The following UST variants were observed in gnomAD, a reference collection of about 807,000 sequenced individuals.
UST encodes uronyl 2-sulfotransferase.
Under a neutral mutation model 45.6 loss-of-function variants are expected in UST, and 21 were observed. The observed-to-expected ratio is 0.46, with a 90% confidence interval of 0.33 to 0.66. The LOEUF is 0.66. UST is among the 30% of genes least tolerant of loss of function. UST has a pLI of 0.02. For synonymous variants in UST, 215 were observed against 200.6 expected (o/e 1.07, Z -0.61); for missense variants, 463 against 512.4 (o/e 0.90, Z 0.93).
chr6:148,882,712 G>A (rs911165578), intron 1 of UST, among the ~76,000 whole-genome samples: 1 of 152,056 alleles, frequency 6.6e-6, no homozygotes, highest in African/African-American at 2.4e-5. Flanking sequence ...TTTGAATTCC[G>A]CTGTTTGTTT....
intron 2 of UST, among the ~76,000 whole-genome samples, chr6:148,900,813 T>C (rs1217095425): frequency 6.6e-6 from 1 of 152,200 alleles, no homozygotes; most frequent in Non-Finnish European, 1.5e-5. Context: ...GGGCTCAAAT[T>C]GAAGAGTCAG....
intron 1 of UST, among the ~76,000 whole-genome samples, chr6:148,775,732 A>G (rs1023216550): frequency 6.6e-6 from 1 of 151,968 alleles, no homozygotes; most frequent in African/African-American, 2.4e-5. Context: ...GATTCAAGCA[A>G]TTCTCCTGCC....
At chr6:148,772,589 ATAT>A (rs1214739121) in intron 1 of UST, among the ~76,000 whole-genome samples, 1 of 152,030 alleles carries the variant, frequency 6.6e-6, no homozygotes, top group Non-Finnish European at 1.5e-5. Flanking sequence ...TGCCCGGCTA[ATAT>A]TTGGCATTTT....
chr6:148,810,497 A>G (rs1777235912), intron 1 of UST, among the ~76,000 whole-genome samples: 2 of 152,232 alleles, frequency 1.3e-5, no homozygotes, highest in African/African-American at 4.8e-5. Context: ...AGTTTGGTAC[A>G]TAGTTGCCAT....
chr6:148,783,917 ACAAGATTC>A (rs1776689479), intron 1 of UST, among the ~76,000 whole-genome samples: 2 of 152,198 alleles, frequency 1.3e-5, no homozygotes, highest in Admixed American at 1.3e-4. Flanking sequence ...ATGATGAGCT[ACAAGATTC>A]AATGATATCT....
intron 1 of UST, among the ~76,000 whole-genome samples, chr6:148,795,989 G>A (rs555666888): frequency 1.3e-3 from 196 of 152,262 alleles, no homozygotes; most frequent in African/African-American, 3.9e-3. Context: ...TCTTGTTTAG[G>A]CCTAAAGTAA....
chr6:148,803,229 T>C (rs2114719914), intron 1 of UST, among the ~76,000 whole-genome samples: 1 of 152,198 alleles, frequency 6.6e-6, no homozygotes, highest in South Asian at 2.1e-4. Context: ...CTCCTTCCCC[T>C]CTCTCTCAAT....
At chr6:148,925,638 G>A (rs1436712032) in intron 2 of UST, among the ~76,000 whole-genome samples, 3 of 152,298 alleles carry the variant, frequency 2.0e-5, no homozygotes, top group Admixed American at 1.3e-4. Context: ...AAGGAATTGT[G>A]TATAAATTCC....
intron 1 of UST, among the ~76,000 whole-genome samples, chr6:148,803,820 C>T (rs1204449834): frequency 3.9e-5 from 6 of 152,210 alleles, no homozygotes; most frequent in Non-Finnish European, 5.9e-5. Context: ...TCCCCTGCTA[C>T]GTCCTGCTGC....
chr6:148,790,226 CT>C lies in UST; in HGVS notation c.247+42551del, dbSNP rs1776817480. Among the ~76,000 whole-genome samples, 1 of 152,162 alleles carries C rather than the reference CT, an allele frequency of 6.6e-6. No individual in the cohort carries two copies. Among genetic ancestry groups the C allele is most frequent in the Non-Finnish European group, 1.5e-5 (1 of 68,038 alleles). ...TGGATTGAGTGGTTACCTTGGATCC[CT>C]TCATGCCCGTGCTAATCTCACTCCG... On this transcript the variant is annotated intron_variant, in intron 1 of 7. Coordinates refer to ENST00000367463, the MANE Select transcript of UST (RefSeq NM_005715.3). This position sits in a 1 kb window ranked among gnomAD's most constrained non-coding sequence, Gnocchi z 4.2.
At chr6:148,881,484 G>A (rs1204037568) in intron 1 of UST, among the ~76,000 whole-genome samples, 2 of 152,174 alleles carry the variant, frequency 1.3e-5, no homozygotes, top group East Asian at 1.9e-4. Context: ...AAATAAGAAT[G>A]TCCTGCCTGG....
intron 1 of UST, among the ~76,000 whole-genome samples, chr6:148,751,498 C>T (rs1411087228): frequency 6.6e-6 from 1 of 152,122 alleles, no homozygotes; most frequent in African/African-American, 2.4e-5. Flanking sequence ...AACAGTCCTT[C>T]TTCCTAGTCA....
chr6:148,941,540 A>G (rs1780126130), intron 3 of UST, 106 bp downstream of exon 3: 3 of 1,301,492 alleles, frequency 2.3e-6, no homozygotes, highest in Admixed American at 5.3e-5. Flanking sequence ...AGTGAATACC[A>G]GAGTTTTGAT....
At chr6:148,770,139 T>A (rs973157126) in intron 1 of UST, among the ~76,000 whole-genome samples, 3 of 152,016 alleles carry the variant, frequency 2.0e-5, no homozygotes, top group Admixed American at 2.0e-4. Context: ...CAAGAGCTGC[T>A]AGTCTAGCCT....
At chr6:149,059,063 T>C (rs749506255) in intron 7 of UST, among the ~76,000 whole-genome samples, 3 of 152,172 alleles carry the variant, frequency 2.0e-5, no homozygotes, top group Non-Finnish European at 4.4e-5. Context: ...TTGCCCTTCA[T>C]TCGGTAAATA....
chr6:148,936,772 T>C (rs908542211), intron 2 of UST, among the ~76,000 whole-genome samples: 1 of 152,174 alleles, frequency 6.6e-6, no homozygotes, highest in African/African-American at 2.4e-5. Context: ...CTCAGCTCAC[T>C]GCAATCTCTG....
chr6:148,881,027 TAA>T (rs376159476), intron 1 of UST, among the ~76,000 whole-genome samples: 15 of 136,880 alleles, frequency 1.1e-4, no homozygotes, highest in Non-Finnish European at 9.6e-5. Context: ...AGACTCCGTC[TAA>T]AAAAAAAAAA....
intron 5 of UST, among the ~76,000 whole-genome samples, chr6:148,984,517 C>T (rs932506910): frequency 5.9e-5 from 9 of 152,272 alleles, no homozygotes; most frequent in African/African-American, 2.2e-4. Flanking sequence ...ATAGGATTTG[C>T]ATTTATTTAT....
At position 148,790,740 on chromosome 6, in the gene UST, A is replaced by G. The variant is rs945527136; in HGVS notation, c.247+43063A>G. Among the ~76,000 whole-genome samples the G allele has an allele frequency of 3.9e-5, 6 of 152,142 alleles. No homozygotes were observed. The highest frequency in any genetic ancestry group is 3.9e-4 in the Admixed American group (6 of 15,276). ...CTCCTCTCGGGGCATCCCACATCCAATGCCTGGTTGATGTGGGGATACAAA... is the reference window on the plus strand; with the variant it reads ...CTCCTCTCGGGGCATCCCACATCCAGTGCCTGGTTGATGTGGGGATACAAA... On this transcript the variant is annotated intron_variant, in intron 1 of 7. Coordinates refer to ENST00000367463, the MANE Select transcript of UST (RefSeq NM_005715.3). This position sits in a 1 kb window ranked among gnomAD's most constrained non-coding sequence, Gnocchi z 4.2.
Sources: allele counts gnomAD v4.1 joint callset (sites outside exome capture counted in the v4.1 genomes callset), GRCh38; gene constraint gnomAD v4.1.1; non-coding constraint Gnocchi (gnomAD v3.1); transcripts MANE v1.5; gene names NCBI Gene and HGNC (gene_info 2026-07-23, HGNC 2026-07-21).